Variants in CD163L1 observed in about 807,000 individuals in gnomAD.
CD163L1 encodes the protein CD163 molecule like 1, also known as scavenger receptor cysteine-rich type 1 protein M160.
Under a neutral mutation model 165.4 loss-of-function variants are expected in CD163L1, and 124 were observed. The ratio of observed to expected loss-of-function variants is 0.75; its 90% CI spans 0.65 to 0.87. The LOEUF is 0.87. Ranked by LOEUF, CD163L1 falls within the 40% of genes least tolerant of loss-of-function variation. CD163L1 has a pLI of 0.00. For missense variants in CD163L1, 1,525 were observed against 1,799.9 expected (o/e 0.85, Z 2.76); for synonymous variants, 585 against 662.2 (o/e 0.88, Z 1.79).
In CD163L1 at chr12:7,433,698, CAAGA is replaced by C; in HGVS notation, c.125-8_125-5del. On this transcript the variant is annotated splice_polypyrimidine_tract_variant and splice_region_variant and intron_variant, in intron 2 of 19. Coordinates refer to ENST00000313599, the MANE Select transcript of CD163L1 (RefSeq NM_174941.6). ...CTCAACTCCAAATCTGTTCCATCTGCAAGAAAGACAGAAACATACATTAGAGATG... is the reference window on the plus strand; with the variant it reads ...CTCAACTCCAAATCTGTTCCATCTGCAAGACAGAAACATACATTAGAGATG... 1 of 1,597,012 alleles carries C rather than the reference CAAGA, an allele frequency of 6.3e-7. No homozygotes were observed. Among genetic ancestry groups the C allele is most frequent in the South Asian group, 1.1e-5 (1 of 88,458 alleles).
chr12:7,442,036 G>A (rs187751838), intron 1 of CD163L1, among the ~76,000 whole-genome samples: 163 of 152,240 alleles, frequency 1.1e-3, no homozygotes, highest in African/African-American at 3.6e-3. Flanking sequence ...AGACTATAAA[G>A]AATTGAATCA....
intron 8 of CD163L1, among the ~76,000 whole-genome samples, chr12:7,385,868 A>C (rs1257933280): frequency 6.6e-6 from 1 of 151,938 alleles, no homozygotes; most frequent in Non-Finnish European, 1.5e-5. Context: ...ACAGTTAAGA[A>C]GGCATTTATA....
chr12:7,331,868 C>T, the CD163L1 span, among the ~76,000 whole-genome samples: 2 of 152,178 alleles, frequency 1.3e-5, no homozygotes, highest in African/African-American at 4.8e-5. Context: ...ATCTAAAAAT[C>T]AGAGCGCCTC....
chr12:7,412,799 A>G (rs1262534636), intron 4 of CD163L1, among the ~76,000 whole-genome samples: 1 of 152,116 alleles, frequency 6.6e-6, no homozygotes, highest in Non-Finnish European at 1.5e-5. Context: ...AGTACACATA[A>G]GAAGTCCAAG....
chr12:7,361,986 C>G (rs1328720264), intron 18 of CD163L1, among the ~76,000 whole-genome samples: 1 of 151,728 alleles, frequency 6.6e-6, no homozygotes, highest in Admixed American at 6.6e-5. Flanking sequence ...CTATGTACCT[C>G]TTATAAAGTG....
chr12:7,341,645 T>C, the CD163L1 span, among the ~76,000 whole-genome samples: 1 of 152,152 alleles, frequency 6.6e-6, no homozygotes, highest in Non-Finnish European at 1.5e-5. Context: ...AATTTTCTTG[T>C]TGTTTCAGGC....
intron 4 of CD163L1, among the ~76,000 whole-genome samples, chr12:7,409,923 GA>G (rs1227520546): frequency 1.3e-5 from 2 of 151,822 alleles, no homozygotes; most frequent in Non-Finnish European, 2.9e-5. Context: ...AAGCCAAGAG[GA>G]AAAAAAGACA....
chr12:7,323,398 A>C, the CD163L1 span: 3 of 1,596,604 alleles, frequency 1.9e-6, no homozygotes, highest in South Asian at 3.3e-5. Context: ...ACTATTCATA[A>C]GCTGCTTTCA....
chr12:7,334,388 A>G, the CD163L1 span, among the ~76,000 whole-genome samples: 66 of 152,330 alleles, frequency 4.3e-4, 1 homozygote, highest in South Asian at 0.013. Flanking sequence ...AAAGACAAAA[A>G]CCACATGATT....
chr12:7,377,223 G>A (rs937276374), intron 9 of CD163L1, among the ~76,000 whole-genome samples: 1 of 152,092 alleles, frequency 6.6e-6, no homozygotes, highest in African/African-American at 2.4e-5. Flanking sequence ...ACTCTCCCAT[G>A]ACCTTCGAGT....
chr12:7,440,367 G>A (rs922361862), intron 2 of CD163L1, among the ~76,000 whole-genome samples: 6 of 151,368 alleles, frequency 4.0e-5, no homozygotes, highest in Admixed American at 6.6e-5. Flanking sequence ...CCCCACCGCC[G>A]CACGGGAAGC....
At position 7,368,256 on chromosome 12, in the gene CD163L1, T is replaced by G; in HGVS notation, c.4073-59A>C. ...CTAGTAGATATCAATTGTGGGTTTA[T>G]ACATTGTAAAAAAAACTGGTTCCCT... On this transcript the variant is annotated intron_variant, in intron 16 of 19. Coordinates refer to ENST00000313599, the MANE Select transcript of CD163L1 (RefSeq NM_174941.6). This position sits in a 1 kb window ranked among gnomAD's most constrained non-coding sequence, Gnocchi z 4.3. The G allele has an allele frequency of 1.0e-6, 1 of 961,374 alleles. No homozygotes were observed. Among genetic ancestry groups the G allele is most frequent in the Non-Finnish European group, 1.6e-6 (1 of 623,218 alleles). The allele number at this position is 961,374 out of a possible 1,614,324, so 59.6% of individuals were successfully genotyped here.
chr12:7,430,043 T>C (rs1375303663), intron 4 of CD163L1, among the ~76,000 whole-genome samples: 1 of 152,150 alleles, frequency 6.6e-6, no homozygotes, highest in Non-Finnish European at 1.5e-5. Flanking sequence ...TTCAGGAGAA[T>C]TGGGTTTCTC....
chr12:7,377,749 C>T (rs146114488), intron 9 of CD163L1, among the ~76,000 whole-genome samples: 5 of 152,288 alleles, frequency 3.3e-5, no homozygotes, highest in East Asian at 3.9e-4. Flanking sequence ...TTGGCTTTAG[C>T]GATGTGACAT....
chr12:7,338,128 A>G, the CD163L1 span, among the ~76,000 whole-genome samples: 1 of 152,106 alleles, frequency 6.6e-6, no homozygotes, highest in South Asian at 2.1e-4. Flanking sequence ...GAACACATGG[A>G]CACAGGGAGG....
chr12:7,335,314 A>C, the CD163L1 span, among the ~76,000 whole-genome samples: 1 of 152,232 alleles, frequency 6.6e-6, no homozygotes, highest in Admixed American at 6.5e-5. Flanking sequence ...ATGGAACAGA[A>C]CAGAGACCTC....
intron 2 of CD163L1, among the ~76,000 whole-genome samples, chr12:7,433,938 G>T (rs1051591805): frequency 6.6e-6 from 1 of 152,264 alleles, no homozygotes; most frequent in South Asian, 2.1e-4. Context: ...AGAAGGGAAA[G>T]AATTTTTTCT....
At chr12:7,410,169 C>T (rs1327313568) in intron 4 of CD163L1, among the ~76,000 whole-genome samples, 1 of 151,610 alleles carries the variant, frequency 6.6e-6, no homozygotes, top group Non-Finnish European at 1.5e-5. Flanking sequence ...AAAATACAAG[C>T]ATAAAAAGAC....
intron 4 of CD163L1, among the ~76,000 whole-genome samples, chr12:7,424,874 T>C (rs1357045013): frequency 1.3e-5 from 2 of 152,134 alleles, no homozygotes; most frequent in African/African-American, 2.4e-5. Flanking sequence ...TGCTCATGGA[T>C]AAAAAGATTC....
Sources: gnomAD v4.1 joint callset for allele counts (sites outside exome capture counted in the v4.1 genomes callset) on GRCh38, gnomAD v4.1.1 for gene constraint, Gnocchi (gnomAD v3.1) non-coding constraint, MANE v1.5 for transcripts, NCBI Gene and HGNC (gene_info 2026-07-23, HGNC 2026-07-21) for gene names.